The following ASIC2 variants were observed in gnomAD, a reference collection of about 807,000 sequenced individuals.
ASIC2 encodes the protein acid sensing ion channel subunit 2.
ASIC2 carries 25 observed loss-of-function variants against 57.3 expected under a neutral mutation model. The observed-to-expected ratio is 0.44, with a 90% CI of 0.32 to 0.61. The LOEUF is 0.61. Among genes scored for constraint, ASIC2 ranks in the 20% least tolerant of loss-of-function variants. ASIC2 has a pLI of 0.06. For synonymous variants in ASIC2, 319 were observed against 307.5 expected (o/e 1.04, Z -0.39); for missense variants, 641 against 738.1 (o/e 0.87, Z 1.52).
At chr17:33,650,635 C>T (rs940931897) in intron 1 of ASIC2, among the ~76,000 whole-genome samples, 2 of 152,116 alleles carry the variant, frequency 1.3e-5, no homozygotes, top group Non-Finnish European at 2.9e-5. Context: ...AAAATACTTC[C>T]TGGCAATAAG....
rs545964664 is a variant in ASIC2, at chr17:33,273,654, C to T, written c.708+17754G>A. The stretch of plus-strand genomic sequence containing the variant: ...GCCAAAGTTCCACACCAGAAGCCAT[C>T]CTCTCAATTCATTTCGCCCTCACAA... On this transcript the variant is annotated intron_variant, in intron 1 of 9. Coordinates refer to ENST00000225823, the MANE Select transcript of ASIC2 (RefSeq NM_183377.2). Among the ~76,000 whole-genome samples the T allele has an allele frequency of 2.9e-4, 44 of 152,344 alleles. 1 individual carries two copies. In the South Asian group the frequency reaches 8.1e-3, roughly 28 times the overall value.
At chr17:33,095,022 A>T (rs1478791714) in intron 2 of ASIC2, among the ~76,000 whole-genome samples, 1 of 152,242 alleles carries the variant, frequency 6.6e-6, no homozygotes, top group Non-Finnish European at 1.5e-5. Flanking sequence ...CATTTTTAAA[A>T]TGGGTATGAA....
chr17:33,407,505 C>G (rs184069887), intron 1 of ASIC2, among the ~76,000 whole-genome samples: 1 of 152,334 alleles, frequency 6.6e-6, no homozygotes, highest in Non-Finnish European at 1.5e-5. Flanking sequence ...CCTCCTGATA[C>G]TCCCATAATG....
At position 33,912,176 on chromosome 17, in the gene ASIC2, T is replaced by C. The variant is rs1915483019; in HGVS notation, c.555+243802A>G. 2.8e-5 allele frequency among the ~76,000 whole-genome samples: 4 copies of C among 142,910 alleles called. No individual in the cohort carries two copies. In the Admixed American group the frequency reaches 2.9e-4, roughly 10 times the overall value. 93.8% of individuals were successfully genotyped at this position (142,910 alleles called of 152,430 possible). A position where few individuals can be genotyped will look rare whatever the true frequency, so the allele number is the denominator to read the frequency against. On this transcript the variant is annotated intron_variant, in intron 1 of 9. Coordinates refer to the ASIC2 transcript ENST00000359872. Reference sequence around the variant, plus strand: ...AAAAAAAAAAAGCTGTGAATCACTATGTCCTAATAAACTAATAAACTTTAT... The same window carrying C: ...AAAAAAAAAAAGCTGTGAATCACTACGTCCTAATAAACTAATAAACTTTAT...
intron 3 of ASIC2, among the ~76,000 whole-genome samples, chr17:33,045,470 G>A (rs914208076): frequency 6.6e-6 from 1 of 152,178 alleles, no homozygotes; most frequent in Non-Finnish European, 1.5e-5. Flanking sequence ...AGGGATGCAG[G>A]TGGGGAGGTG....
intron 1 of ASIC2, among the ~76,000 whole-genome samples, chr17:33,773,568 G>T (rs1744711952): frequency 6.6e-6 from 1 of 152,018 alleles, no homozygotes; most frequent in Admixed American, 6.6e-5. Flanking sequence ...GTACCACACT[G>T]AGAAGGGGAA....
At chr17:33,697,641 G>A (rs1908567711) in intron 1 of ASIC2, among the ~76,000 whole-genome samples, 1 of 152,202 alleles carries the variant, frequency 6.6e-6, no homozygotes, top group South Asian at 2.1e-4. Flanking sequence ...AACCATGGCA[G>A]TAACTGCCCT....
At chr17:33,737,304 G>A (rs952389552) in intron 1 of ASIC2, among the ~76,000 whole-genome samples, 11 of 152,216 alleles carry the variant, frequency 7.2e-5, no homozygotes, top group Non-Finnish European at 1.2e-4. Flanking sequence ...TAGCTATTAC[G>A]AACAAGAGGT....
intron 1 of ASIC2, among the ~76,000 whole-genome samples, chr17:34,057,323 G>A (rs1032400971): frequency 6.6e-6 from 1 of 152,180 alleles, no homozygotes; most frequent in African/African-American, 2.4e-5. Flanking sequence ...TTTCTCTGAA[G>A]GAAGTATTGG....
intron 1 of ASIC2, among the ~76,000 whole-genome samples, chr17:33,618,150 A>G (rs140236578): frequency 2.0e-5 from 3 of 152,032 alleles, no homozygotes; most frequent in East Asian, 3.9e-4. Context: ...TGTCGAATCC[A>G]TATTCTGCTT....
intron 1 of ASIC2, among the ~76,000 whole-genome samples, chr17:33,492,741 C>A (rs906979838): frequency 3.3e-5 from 5 of 152,216 alleles, no homozygotes; most frequent in Admixed American, 6.5e-5. Flanking sequence ...TCTCTACCAT[C>A]TGTGATCCAT....
rs761214473 is a variant in ASIC2, at chr17:33,085,350, AATTG to A, written c.987+3509_987+3512del. On this transcript the variant is annotated intron_variant, in intron 3 of 9. Coordinates refer to ENST00000225823, the MANE Select transcript of ASIC2 (RefSeq NM_183377.2). Reference sequence around the variant, plus strand: ...ACTGCTTATTGTAATTTTAAGACTTAATTGATTGTAAAACGAATCCTTATTTCAG... The same window carrying A: ...ACTGCTTATTGTAATTTTAAGACTTAATTGTAAAACGAATCCTTATTTCAG... 5.5e-4 allele frequency among the ~76,000 whole-genome samples: 82 copies of A among 149,110 alleles called. 1 individual carries two copies. The highest frequency in any genetic ancestry group is 3.5e-4 in the Non-Finnish European group (24 of 68,014).
intron 1 of ASIC2, among the ~76,000 whole-genome samples, chr17:33,195,231 C>T (rs1030221577): frequency 1.3e-5 from 2 of 152,206 alleles, no homozygotes; most frequent in Non-Finnish European, 2.9e-5. Flanking sequence ...AGCCTCTGCA[C>T]AGCCTAAAAA....
chr17:33,197,793 GA>G (rs1188590990), intron 1 of ASIC2, among the ~76,000 whole-genome samples: 2 of 152,194 alleles, frequency 1.3e-5, no homozygotes, highest in African/African-American at 4.8e-5. Flanking sequence ...GGATTCCTAA[GA>G]GTTGCAGAAT....
intron 1 of ASIC2, among the ~76,000 whole-genome samples, chr17:34,015,587 A>AT (rs962022599): frequency 1.3e-5 from 2 of 152,328 alleles, no homozygotes; most frequent in Middle Eastern, 3.4e-3. Context: ...ATGTTGTGGA[A>AT]TTTTTTTACA....
intron 1 of ASIC2, chr17:33,932,741 A>AAAAAAAAATATATATATATATAT (rs1555572867): frequency 5.1e-5 from 3 of 58,706 alleles, no homozygotes; most frequent in Admixed American, 2.5e-4. Context: ...AAAAAAAAAA[A>AAAAAAAAATATATATATATATAT]ATATATATAT....
intron 1 of ASIC2, among the ~76,000 whole-genome samples, chr17:33,538,696 A>C (rs993523761): frequency 1.3e-5 from 2 of 152,160 alleles, no homozygotes; most frequent in African/African-American, 4.8e-5. Context: ...GTATATCCAC[A>C]TTAACAGTTG....
At chr17:33,401,523 G>T (rs1258191463) in intron 1 of ASIC2, among the ~76,000 whole-genome samples, 1 of 152,144 alleles carries the variant, frequency 6.6e-6, no homozygotes, top group Non-Finnish European at 1.5e-5. Flanking sequence ...GGCTGCACTG[G>T]ATAGATGTGA....
intron 1 of ASIC2, among the ~76,000 whole-genome samples, chr17:33,123,961 T>C (rs2092313252): frequency 6.6e-6 from 1 of 152,232 alleles, no homozygotes; most frequent in African/African-American, 2.4e-5. Context: ...GATGCACCAG[T>C]GGAAACCAAA....
Sources: gnomAD v4.1 joint callset for allele counts (sites outside exome capture counted in the v4.1 genomes callset) on GRCh38, gnomAD v4.1.1 for gene constraint, MANE v1.5 for transcripts, NCBI Gene and HGNC (gene_info 2026-07-23, HGNC 2026-07-21) for gene names.